The following PRKG1 variants were observed in gnomAD, a reference collection of about 807,000 sequenced individuals.
The protein encoded by PRKG1 is protein kinase cGMP-dependent 1.
In PRKG1, 35 loss-of-function variants were observed where a neutral mutation model predicts 88.1. The ratio of observed to expected loss-of-function variants is 0.40; its 90% CI spans 0.30 to 0.53. The LOEUF (loss-of-function observed/expected upper bound fraction) is 0.53. Among genes scored for constraint, PRKG1 ranks in the 20% least tolerant of loss-of-function variants. The pLI is 0.59. For synonymous variants in PRKG1, 303 were observed against 292.5 expected, an observed-to-expected ratio of 1.04 and a Z score of -0.37; for missense variants, 540 against 839.8, an observed-to-expected ratio of 0.64 and a Z score of 4.41.
chr10:51,847,412 T>C (rs1166694135), intron 4 of PRKG1, among the ~76,000 whole-genome samples: 2 of 152,146 alleles, frequency 1.3e-5, no homozygotes, highest in Non-Finnish European at 2.9e-5. Context: ...TATAAGCCTA[T>C]TTCATGATTT....
intron 2 of PRKG1, among the ~76,000 whole-genome samples, chr10:51,172,206 A>G (rs1450636404): frequency 6.6e-6 from 1 of 151,880 alleles, no homozygotes; most frequent in African/African-American, 2.4e-5. Context: ...AAATTGCCTA[A>G]CTCTCAAAAT....
intron 3 of PRKG1, among the ~76,000 whole-genome samples, chr10:51,710,614 G>C (rs962499374): frequency 1.3e-5 from 2 of 152,146 alleles, no homozygotes; most frequent in African/African-American, 4.8e-5. Flanking sequence ...GTTCTTAAAC[G>C]TTAACCTTAA....
intron 7 of PRKG1, among the ~76,000 whole-genome samples, chr10:52,083,652 C>T (rs558577729): frequency 4.6e-5 from 7 of 151,934 alleles, no homozygotes; most frequent in South Asian, 2.1e-4. Flanking sequence ...TTCTGACAGA[C>T]GCAAGGGAGA....
intron 10 of PRKG1, among the ~76,000 whole-genome samples, chr10:52,268,996 T>A (rs1266750182): frequency 6.6e-6 from 1 of 151,260 alleles, no homozygotes; most frequent in Non-Finnish European, 1.5e-5. Context: ...CTAAGTGGAG[T>A]CAGAATTCAA....
At chr10:51,375,426 T>A (rs928392859) in intron 2 of PRKG1, among the ~76,000 whole-genome samples, 2 of 99,844 alleles carry the variant, frequency 2.0e-5, no homozygotes, top group East Asian at 4.7e-4. Flanking sequence ...GGATTTGGGG[T>A]TTTTTTTTTT....
chr10:52,035,796 G>C (rs1432576991), intron 5 of PRKG1, among the ~76,000 whole-genome samples: 1 of 152,132 alleles, frequency 6.6e-6, no homozygotes, highest in Non-Finnish European at 1.5e-5. Context: ...AGTGAGTTGA[G>C]CATAGTTTGT....
At position 51,309,693 on chromosome 10, in the gene PRKG1, C is replaced by T. The variant is rs571226090; in HGVS notation, c.478+156363C>T. ...TATGGAAAACAGTTTGGAGATTTCTCAAATAACTACAAATAGAACTACCAT... is the reference window on the plus strand; with the variant it reads ...TATGGAAAACAGTTTGGAGATTTCTTAAATAACTACAAATAGAACTACCAT... On this transcript the variant is annotated intron_variant, in intron 2 of 17. Transcript: ENST00000373980. Among the ~76,000 whole-genome samples the T allele has an allele frequency of 1.4e-4, 22 of 152,070 alleles. No homozygotes were observed. In the South Asian group the frequency reaches 4.4e-3, roughly 30 times the overall value.
intron 1 of PRKG1, among the ~76,000 whole-genome samples, chr10:51,011,136 T>C (rs1395831283): frequency 6.6e-6 from 1 of 152,026 alleles, no homozygotes; most frequent in Non-Finnish European, 1.5e-5. Flanking sequence ...ACTGGGCAAA[T>C]GGTGTTTCTT....
intron 9 of PRKG1, among the ~76,000 whole-genome samples, chr10:52,175,736 CT>C (rs1481764759): frequency 1.3e-5 from 2 of 152,056 alleles, no homozygotes; most frequent in Non-Finnish European, 2.9e-5. Flanking sequence ...TTGCACTTCC[CT>C]GATGATTGGT....
At chr10:52,139,660 C>G (rs1267370587) in intron 8 of PRKG1, among the ~76,000 whole-genome samples, 2 of 152,110 alleles carry the variant, frequency 1.3e-5, no homozygotes, top group Non-Finnish European at 2.9e-5. Flanking sequence ...TTATGTAACT[C>G]TTCTCAGGGA....
intron 4 of PRKG1, among the ~76,000 whole-genome samples, chr10:51,891,359 A>G (rs1274881673): frequency 1.3e-5 from 2 of 152,164 alleles, no homozygotes; most frequent in African/African-American, 4.8e-5. Context: ...ATGAGTTTTT[A>G]TTTATTAAGA....
chr10:51,483,057 G>T (rs1326445572), intron 3 of PRKG1, among the ~76,000 whole-genome samples: 11 of 131,608 alleles, frequency 8.4e-5, no homozygotes, highest in Non-Finnish European at 1.5e-4. Flanking sequence ...TTATTGCCCA[G>T]GCTGGAATGC....
intron 8 of PRKG1, among the ~76,000 whole-genome samples, chr10:52,135,533 G>C (rs1199518028): frequency 4.6e-5 from 7 of 152,116 alleles, no homozygotes; most frequent in African/African-American, 1.7e-4. Flanking sequence ...TTCAGTTGGT[G>C]ATTATGAGAC....
intron 2 of PRKG1, among the ~76,000 whole-genome samples, chr10:51,388,992 C>G (rs984884182): frequency 6.6e-6 from 1 of 152,096 alleles, no homozygotes; most frequent in African/African-American, 2.4e-5. Context: ...TGTATTAATA[C>G]AAAAATAGGT....
chr10:52,018,956 C>T (rs531340630), intron 5 of PRKG1, among the ~76,000 whole-genome samples: 80 of 122,734 alleles, frequency 6.5e-4, no homozygotes, highest in Non-Finnish European at 1.2e-3. Context: ...AACACTTGCG[C>T]TTGGATAATT....
intron 2 of PRKG1, among the ~76,000 whole-genome samples, chr10:51,340,277 G>A (rs1841975763): frequency 6.6e-6 from 1 of 152,028 alleles, no homozygotes; most frequent in South Asian, 2.1e-4. Flanking sequence ...ATTCTAACAT[G>A]TTTATAACTC....
intron 9 of PRKG1, among the ~76,000 whole-genome samples, chr10:52,171,424 G>C (rs1010240173): frequency 4.6e-5 from 7 of 152,162 alleles, no homozygotes; most frequent in Non-Finnish European, 1.0e-4. Flanking sequence ...TGAGTGGTCA[G>C]AAGGCAGCCC....
intron 3 of PRKG1, among the ~76,000 whole-genome samples, chr10:51,551,345 T>C (rs995515004): frequency 1.3e-5 from 2 of 151,884 alleles, no homozygotes; most frequent in Non-Finnish European, 1.5e-5. Context: ...AATTTATTTT[T>C]TGCTTTATAA....
intron 3 of PRKG1, among the ~76,000 whole-genome samples, chr10:51,721,536 C>G (rs570399857): frequency 2.0e-5 from 3 of 152,126 alleles, no homozygotes; most frequent in Non-Finnish European, 2.9e-5. Context: ...ACGTTATTCA[C>G]CACAGTAAAC....
Sources: allele counts gnomAD v4.1 joint callset (sites outside exome capture counted in the v4.1 genomes callset), GRCh38; gene constraint gnomAD v4.1.1; transcripts MANE v1.5; gene names NCBI Gene and HGNC (gene_info 2026-07-23, HGNC 2026-07-21).